UBE3D: variants seen among roughly 807,000 people sequenced by gnomAD.
UBE3D encodes ubiquitin protein ligase E3D, also known as E3 ubiquitin-protein ligase E3D.
A neutral mutation model predicts 49.6 loss-of-function variants in UBE3D; 48 were observed. The observed-to-expected ratio is 0.97, with a 90% CI of 0.77 to 1.23. The LOEUF is 1.23. UBE3D is among the 50% of genes most tolerant of loss of function. The pLI, the probability that UBE3D is intolerant of heterozygous loss-of-function variation, is 0.00. For synonymous variants in UBE3D, 189 were observed against 174.2 expected (o/e 1.08, Z -0.67); for missense variants, 452 against 468.4 (o/e 0.96, Z 0.32).
chr6:82,944,024 T>TA (rs1055346555), intron 9 of UBE3D, among the ~76,000 whole-genome samples: 7 of 151,830 alleles, frequency 4.6e-5, no homozygotes, highest in African/African-American at 1.5e-4. Flanking sequence ...TCTGGGGCCA[T>TA]AAAAAAACTT....
intron 9 of UBE3D, among the ~76,000 whole-genome samples, chr6:82,923,539 T>A (rs962744224): frequency 9.2e-5 from 14 of 151,900 alleles, no homozygotes; most frequent in Admixed American, 9.2e-4. Context: ...GAGGGGAACA[T>A]CACACACCAG....
intron 4 of UBE3D, among the ~76,000 whole-genome samples, chr6:83,044,218 C>T (rs1442044648): frequency 2.6e-5 from 4 of 152,188 alleles, no homozygotes; most frequent in Non-Finnish European, 5.9e-5. Context: ...GTCTTCCTCT[C>T]CTTATTCTTC....
At chr6:82,932,575 C>G (rs1719923761) in intron 9 of UBE3D, 2 of 152,102 alleles carry the variant, frequency 1.3e-5, no homozygotes, top group Non-Finnish European at 2.9e-5. Context: ...TTTCTGTTTT[C>G]ACAGTTTTTC....
intron 9 of UBE3D, among the ~76,000 whole-genome samples, chr6:82,943,312 AC>A (rs1219033621): frequency 6.6e-6 from 1 of 151,922 alleles, no homozygotes; most frequent in East Asian, 1.9e-4. Flanking sequence ...AAATTTGACA[AC>A]TATCTACACA....
intron 8 of UBE3D, among the ~76,000 whole-genome samples, chr6:82,997,735 G>T (rs924947186): frequency 2.0e-5 from 3 of 151,860 alleles, no homozygotes; most frequent in African/African-American, 7.3e-5. Context: ...GAAAAGAAAA[G>T]AAAAAGGAAA....
chr6:82,992,216 CTTTT>C (rs386407755), intron 8 of UBE3D, among the ~76,000 whole-genome samples: 8 of 96,770 alleles, frequency 8.3e-5, no homozygotes, highest in Middle Eastern at 7.9e-3. Context: ...ATCTGCATTC[CTTTT>C]TTTTTTTTTT....
chr6:82,917,536 G>A (rs1250310063), intron 9 of UBE3D, among the ~76,000 whole-genome samples: 1 of 152,224 alleles, frequency 6.6e-6, no homozygotes, highest in Non-Finnish European at 1.5e-5. Flanking sequence ...TAAGAGGCAT[G>A]CAGGTGCAGT....
intron 9 of UBE3D, among the ~76,000 whole-genome samples, chr6:82,917,176 G>A (rs1772979111): frequency 6.6e-6 from 1 of 152,098 alleles, no homozygotes; most frequent in South Asian, 2.1e-4. Flanking sequence ...AAATTAATTT[G>A]CACTCTCCTG....
chr6:82,959,161 T>A (rs1776369821), intron 8 of UBE3D, among the ~76,000 whole-genome samples: 1 of 152,044 alleles, frequency 6.6e-6, no homozygotes, highest in African/African-American at 2.4e-5. Context: ...CTAATTTTTT[T>A]TTTTTTAGAA....
At chr6:83,019,240 A>G in intron 7 of UBE3D, 104 bp from the exon 8 acceptor site, 1 of 1,077,858 alleles carries the variant, frequency 9.3e-7, no homozygotes, top group Admixed American at 3.5e-5. Context: ...ACCAGAAAAA[A>G]TAAATATGAG....
rs969520328 is a variant in UBE3D, at chr6:82,966,464, A to C, written c.1011-9014T>G. Among the ~76,000 whole-genome samples the C allele has an allele frequency of 4.9e-5, 4 of 81,456 alleles. 1 individual carries two copies. Among genetic ancestry groups the C allele is most frequent in the East Asian group, 2.7e-4 (1 of 3,732 alleles). The allele number at this position is 81,456 out of a possible 152,430, so 53.4% of individuals were successfully genotyped here. On this transcript the variant is annotated intron_variant, in intron 8 of 9. Coordinates refer to ENST00000369747, the MANE Select transcript of UBE3D (RefSeq NM_198920.3). ...AGGAGATCGAGACCATCCCGGCTAA[A>C]ACGGTGAAACCCCGTCTCTACTAAA...
downstream of UBE3D, among the ~76,000 whole-genome samples, chr6:82,890,787 C>T (rs1414715330): frequency 1.3e-5 from 2 of 152,144 alleles, no homozygotes; most frequent in African/African-American, 4.8e-5. Context: ...GAATATTCTT[C>T]TAGTTGGGTT....
At chr6:82,993,549 C>T (rs1419144078) in intron 8 of UBE3D, among the ~76,000 whole-genome samples, 1 of 152,156 alleles carries the variant, frequency 6.6e-6, no homozygotes, top group Non-Finnish European at 1.5e-5. Flanking sequence ...TAATACAATG[C>T]CTACACATCA....
intron 9 of UBE3D, among the ~76,000 whole-genome samples, chr6:82,910,044 G>A (rs1026491378): frequency 1.2e-4 from 18 of 152,136 alleles, no homozygotes; most frequent in African/African-American, 2.4e-4. Flanking sequence ...TGTGATTCCC[G>A]AAAGCTACTT....
At chr6:82,965,452 G>A (rs1359705842) in intron 8 of UBE3D, among the ~76,000 whole-genome samples, 10 of 151,904 alleles carry the variant, frequency 6.6e-5, no homozygotes, top group African/African-American at 7.2e-5. Context: ...GTGTGGTGGC[G>A]CATGCCTGTA....
intron 9 of UBE3D, among the ~76,000 whole-genome samples, chr6:82,947,556 G>C (rs552454616): frequency 6.6e-6 from 1 of 151,426 alleles, no homozygotes; most frequent in African/African-American, 2.4e-5. Context: ...TTATGGTGCT[G>C]AACAATACAT....
chr6:82,908,908 G>T lies in UBE3D; in HGVS notation c.1150-15866C>A, dbSNP rs541807543. ...TAAAGCAGTGTGGGACTGGAGCAGG[G>T]CCTGGCTCAGGCTGCAGGTGAGTCA... On this transcript the variant is annotated intron_variant, in intron 9 of 9. Transcript: ENST00000369747. Among the ~76,000 whole-genome samples the T allele has an allele frequency of 2.6e-5, 4 of 152,278 alleles. No homozygotes were observed. In the East Asian group the frequency reaches 7.7e-4, roughly 29 times the overall value.
At chr6:82,991,129 CAGA>C (rs1562159423) in intron 8 of UBE3D, among the ~76,000 whole-genome samples, 2 of 152,150 alleles carry the variant, frequency 1.3e-5, no homozygotes, top group Non-Finnish European at 2.9e-5. Context: ...TGGATTCTCA[CAGA>C]AGGAGTGCTC....
Position 83,032,238 on chromosome 6 carries a change from G to A in UBE3D, c.667+6178C>T, listed in dbSNP as rs75856747. 4,528 of 456,064 alleles carry A rather than the reference G, an allele frequency of 9.9e-3. 147 individuals are homozygous for A. The highest frequency in any genetic ancestry group is 0.056 in the South Asian group (3,610 of 64,516). 28.3% of individuals were successfully genotyped at this position (456,064 alleles called of 1,614,324 possible). ...CCCATGAAAGAAGCTGGGTGGGGCC[G>A]TACCCGGCAAAACCACAGGAACAGA... On this transcript the variant is annotated intron_variant, in intron 5 of 9. Transcript: ENST00000369747.
Sources: allele counts gnomAD v4.1 joint callset (sites outside exome capture counted in the v4.1 genomes callset), GRCh38; gene constraint gnomAD v4.1.1; transcripts MANE v1.5; gene names NCBI Gene and HGNC (gene_info 2026-07-23, HGNC 2026-07-21).